The following PKNOX1 variants were observed in gnomAD, a reference collection of about 807,000 sequenced individuals.
PKNOX1 encodes the protein PBX/knotted 1 homeobox 1, also known as homeobox protein PKNOX1.
In PKNOX1, 15 loss-of-function variants were observed where a neutral mutation model predicts 51.9. That is an observed-to-expected ratio of 0.29 (90% CI 0.19 to 0.45). PKNOX1 has a LOEUF of 0.45. Among genes scored for constraint, PKNOX1 ranks in the 20% least tolerant of loss-of-function variants. The pLI, the probability that PKNOX1 is intolerant of heterozygous loss-of-function variation, is 1.00. For missense variants in PKNOX1, 462 were observed against 547.5 expected (o/e 0.84, Z 1.56); for synonymous variants, 219 against 211.1 (o/e 1.04, Z -0.32).
chr21:43,008,152 G>C (rs866611348), intron 3 of PKNOX1, among the ~76,000 whole-genome samples: 1 of 151,844 alleles, frequency 6.6e-6, no homozygotes, highest in East Asian at 1.9e-4. Context: ...TATAAATTTT[G>C]TGTAACCTTG....
intron 8 of PKNOX1, among the ~76,000 whole-genome samples, chr21:43,022,569 TCTCCACCGAGCCGC>T (rs1307090625): frequency 6.6e-6 from 1 of 151,848 alleles, no homozygotes; most frequent in Non-Finnish European, 1.5e-5. Context: ...GGCCTCTTGG[TCTCCACCGAGCCGC>T]TTCCATGGGC....
At chr21:42,998,332 C>T (rs1978600649) in intron 1 of PKNOX1, among the ~76,000 whole-genome samples, 1 of 152,132 alleles carries the variant, frequency 6.6e-6, no homozygotes. Flanking sequence ...CCACCAGCTC[C>T]CTCCCATAAC....
At chr21:42,974,689 C>G (rs1027369994) in intron 1 of PKNOX1, 25 bp downstream of exon 1, 3 of 166,208 alleles carry the variant, frequency 1.8e-5, no homozygotes, top group Non-Finnish European at 3.7e-5. Flanking sequence ...AACCGCTCCG[C>G]CGCCGCCGCC....
chr21:43,017,798 C>T (rs2146282343), intron 6 of PKNOX1: 1 of 192,708 alleles, frequency 5.2e-6, no homozygotes, highest in South Asian at 9.4e-5. Flanking sequence ...CCCGAGTAGC[C>T]CACCCAGGGA....
intron 7 of PKNOX1, among the ~76,000 whole-genome samples, chr21:43,018,994 A>G (rs567939199): frequency 6.6e-6 from 1 of 151,450 alleles, no homozygotes; most frequent in South Asian, 2.1e-4. Context: ...CTGAGGCAGG[A>G]GAATCGCTTG....
chr21:43,011,592 G>C (rs1003166621), intron 4 of PKNOX1, among the ~76,000 whole-genome samples: 2 of 152,194 alleles, frequency 1.3e-5, no homozygotes, highest in Non-Finnish European at 2.9e-5. Flanking sequence ...GTGTAACCAC[G>C]TGTTTACTTC....
chr21:43,029,767 TA>T, intron 10 of PKNOX1, 122 bp from the exon 11 acceptor site: 1 of 849,094 alleles, frequency 1.2e-6, no homozygotes, highest in Non-Finnish European at 1.9e-6. Flanking sequence ...GAACATTCCC[TA>T]AACATATATA....
At chr21:42,981,274 C>T (rs1202256149) in intron 1 of PKNOX1, among the ~76,000 whole-genome samples, 1 of 152,238 alleles carries the variant, frequency 6.6e-6, no homozygotes, top group Non-Finnish European at 1.5e-5. Context: ...AGCCAGCAGG[C>T]CTGGTGCTGG....
intron 8 of PKNOX1, among the ~76,000 whole-genome samples, chr21:43,023,629 A>AT (rs11414878): frequency 0.5 from 74,337 of 147,942 alleles, 18,652 homozygotes; most frequent in East Asian, 0.66. Context: ...TTCTGATTGG[A>AT]TTTTTTTTTT....
Position 43,030,260 on chromosome 21 carries a change from AGTGTGTGTGT to A in PKNOX1, c.*183_*192del, listed in dbSNP as rs9325621. 0.51 allele frequency: 233,217 copies of A among 456,542 alleles called. 52,143 individuals are homozygous for A. Among genetic ancestry groups the A allele is most frequent in the African/African-American group, 0.63 (31,557 of 49,780 alleles). 28.3% of individuals were successfully genotyped at this position (456,542 alleles called of 1,614,324 possible). On this transcript the variant is annotated 3_prime_UTR_variant, in exon 11 of 11. Transcript: ENST00000291547. ...TTTGCCGGTGCAGCGACTTCTTTCA[AGTGTGTGTGT>A]GTGTGTGTGTGTGTGTGTGTGTGCG... is the stretch of plus-strand genomic sequence containing the variant.
chr21:42,975,137 C>G (rs888673543), intron 1 of PKNOX1, among the ~76,000 whole-genome samples: 3 of 144,020 alleles, frequency 2.1e-5, no homozygotes, highest in Admixed American at 6.9e-5. Flanking sequence ...GCGGGCGGCG[C>G]GCGTGGGGCC....
At chr21:43,029,428 T>TTTTTTTG (rs1980139466) in intron 10 of PKNOX1, among the ~76,000 whole-genome samples, 1 of 6,614 alleles carries the variant, frequency 1.5e-4, no homozygotes, top group Non-Finnish European at 3.0e-4. Flanking sequence ...TGCTTTGTTT[T>TTTTTTTG]TTTTTTTTTT....
chr21:43,004,184 C>T (rs1978885600), intron 1 of PKNOX1, 142 bp from the exon 2 acceptor site: 2 of 438,234 alleles, frequency 4.6e-6, no homozygotes, highest in African/African-American at 4.1e-5. Context: ...TTGAGGTGAG[C>T]CGAGATCGCG....
intron 1 of PKNOX1, among the ~76,000 whole-genome samples, chr21:43,002,830 CCTCAG>C (rs1163090906): frequency 6.6e-6 from 1 of 152,190 alleles, no homozygotes; most frequent in Non-Finnish European, 1.5e-5. Context: ...GATTCTGCTG[CCTCAG>C]CCTCCTGAGT....
At position 43,028,884 on chromosome 21, in the gene PKNOX1, G is replaced by T; in HGVS notation, c.1099+10G>T. 6.2e-7 allele frequency: 1 copy of T among 1,613,886 alleles called. No individual in the cohort carries two copies. Among genetic ancestry groups the T allele is most frequent in the Non-Finnish European group, 8.5e-7 (1 of 1,179,782 alleles). ...CTCACCATGTCGGAAGGTACAGGTG[G>T]CCGGCCAAGGCCAGACATGGTGGAC... On this transcript the variant is annotated intron_variant, in intron 10 of 10. Transcript: ENST00000291547.
Position 43,007,463 on chromosome 21 carries a change from A to G in PKNOX1, c.52-28A>G, listed in dbSNP as rs748927473. ...TACCTCGTAGTAGTTTGTGTTTGCT[A>G]ATAAGAATTATCTTCCTCCTTTTAC... On this transcript the variant is annotated intron_variant, in intron 2 of 10. Coordinates refer to ENST00000291547, the MANE Select transcript of PKNOX1 (RefSeq NM_004571.5). 2.5e-6 allele frequency: 4 copies of G among 1,610,456 alleles called. No homozygotes were observed. The East Asian group carries it at 6.7e-5, about 27-fold the overall frequency.
In PKNOX1 at chr21:42,982,695, C is replaced by T. The variant is rs566155316; in HGVS notation, c.-57+8031C>T. 7.8e-4 allele frequency among the ~76,000 whole-genome samples: 114 copies of T among 146,444 alleles called. 1 individual carries two copies. The highest frequency in any genetic ancestry group is 3.4e-3 in the Admixed American group (50 of 14,608). The stretch of plus-strand genomic sequence containing the variant: ...ATGGTGAGCTGAGATCGCGCCATTG[C>T]ACTCCAGCCTGGGCAACAAGAGCGA... On this transcript the variant is annotated intron_variant, in intron 1 of 10. Transcript: ENST00000291547.
In PKNOX1 at chr21:42,986,148, C is replaced by T. The variant is rs548882205; in HGVS notation, c.-57+11484C>T. ...TTGATACAGATTTTAACAGGATTTA[C>T]GATCTATGATTTTATTTGAATATTA... On this transcript the variant is annotated intron_variant, in intron 1 of 10. Transcript: ENST00000291547. 2.0e-5 allele frequency among the ~76,000 whole-genome samples: 3 copies of T among 152,104 alleles called. No homozygotes were observed. The East Asian group carries it at 5.8e-4, about 29-fold the overall frequency.
chr21:42,985,094 T>C (rs2059045388), intron 1 of PKNOX1, among the ~76,000 whole-genome samples: 2 of 146,056 alleles, frequency 1.4e-5, no homozygotes, highest in African/African-American at 5.0e-5. Context: ...TTCGAGCGAT[T>C]CTCCTGCCTC....
Sources: allele counts gnomAD v4.1 joint callset (sites outside exome capture counted in the v4.1 genomes callset), GRCh38; gene constraint gnomAD v4.1.1; transcripts MANE v1.5; gene names NCBI Gene and HGNC (gene_info 2026-07-23, HGNC 2026-07-21).